The following CA10 variants were observed in gnomAD, a reference collection of about 807,000 sequenced individuals.
CA10 encodes the protein carbonic anhydrase 10 (inactive).
CA10 carries 14 observed loss-of-function variants against 44.2 expected under a neutral mutation model. The ratio of observed to expected loss-of-function variants is 0.32; its 90% CI spans 0.21 to 0.50. The LOEUF (loss-of-function observed/expected upper bound fraction) is 0.50, where lower values mean the gene tolerates loss of function less well. CA10 is among the 20% of genes least tolerant of loss of function. CA10 has a pLI of 0.99. For missense variants in CA10, 350 were observed against 409.7 expected (o/e 0.85, Z 1.26); for synonymous variants, 159 against 141.6 (o/e 1.12, Z -0.87).
chr17:51,649,092 C>G, intron 6 of CA10, 90 bp downstream of exon 6: 2 of 846,736 alleles, frequency 2.4e-6, no homozygotes, highest in Non-Finnish European at 4.0e-6. Flanking sequence ...TGAAAAGGGC[C>G]CATGGAGATC....
intron 4 of CA10, among the ~76,000 whole-genome samples, chr17:51,660,140 C>T (rs937629616): frequency 2.6e-5 from 4 of 152,146 alleles, no homozygotes; most frequent in Admixed American, 6.5e-5. Context: ...TCCAATCATT[C>T]AACATGTGTT....
At chr17:52,106,380 G>A (rs573371957) in intron 1 of CA10, among the ~76,000 whole-genome samples, 1 of 152,328 alleles carries the variant, frequency 6.6e-6, no homozygotes, top group Admixed American at 6.5e-5. Flanking sequence ...TTATTGCTGA[G>A]TCCTTGAAAA....
intron 4 of CA10, among the ~76,000 whole-genome samples, chr17:51,667,766 C>T (rs1326939748): frequency 6.6e-6 from 1 of 152,086 alleles, no homozygotes; most frequent in Non-Finnish European, 1.5e-5. Flanking sequence ...GGAGGGAGAG[C>T]CAAATTACTC....
Position 51,822,483 on chromosome 17 carries a change from C to T in CA10, c.280-74665G>A, listed in dbSNP as rs570321697. 5.3e-5 allele frequency among the ~76,000 whole-genome samples: 8 copies of T among 152,164 alleles called. No homozygotes were observed. The South Asian group carries it at 1.7e-3, about 32-fold the overall frequency. On this transcript the variant is annotated intron_variant, in intron 3 of 8. Coordinates refer to ENST00000451037, the MANE Select transcript of CA10 (RefSeq NM_020178.5). The stretch of plus-strand genomic sequence containing the variant: ...AAAAAACAAAAAAACCATCCTTGAC[C>T]ACACTCACTCATTATTACTACCTGC...
intron 1 of CA10, among the ~76,000 whole-genome samples, chr17:52,082,308 T>C (rs187035657): frequency 2.0e-5 from 3 of 152,300 alleles, no homozygotes; most frequent in African/African-American, 7.2e-5. Context: ...AAGAAGAGTG[T>C]AACTCAATAA....
At chr17:51,705,091 G>A (rs184785728) in intron 4 of CA10, among the ~76,000 whole-genome samples, 5 of 151,926 alleles carry the variant, frequency 3.3e-5, no homozygotes, top group African/African-American at 7.2e-5. Context: ...GAAGGTCTTC[G>A]CAGCTCTTCC....
intron 3 of CA10, among the ~76,000 whole-genome samples, chr17:51,862,298 C>T (rs1323156382): frequency 1.3e-5 from 2 of 152,124 alleles, no homozygotes; most frequent in African/African-American, 4.8e-5. Flanking sequence ...ACGGGAGAGT[C>T]CCTTTTGCAC....
intron 4 of CA10, among the ~76,000 whole-genome samples, chr17:51,688,511 A>G (rs1031098098): frequency 9.9e-5 from 15 of 152,228 alleles, no homozygotes; most frequent in Non-Finnish European, 1.8e-4. Context: ...ACATAGAAAT[A>G]GTATTCATCC....
At chr17:51,748,788 C>A (rs149848678) in intron 3 of CA10, among the ~76,000 whole-genome samples, 7 of 152,324 alleles carry the variant, frequency 4.6e-5, no homozygotes, top group Non-Finnish European at 8.8e-5. Context: ...CCTTCTGACA[C>A]CTTCATTAGA....
rs186825465 is a variant in CA10 at position 51,754,736 on chromosome 17, G to A, written c.280-6918C>T. Among the ~76,000 whole-genome samples, 7 of 151,908 alleles carry A rather than the reference G, an allele frequency of 4.6e-5. No individual in the cohort carries two copies. The East Asian group carries it at 1.4e-3, about 29-fold the overall frequency. On this transcript the variant is annotated intron_variant, in intron 3 of 8. Coordinates refer to ENST00000451037, the MANE Select transcript of CA10 (RefSeq NM_020178.5). ...TTCTCACAGAAATATCCCAATTAAT[G>A]TTTGACCAAATATTTGAGTGCCATG...
intron 2 of CA10, among the ~76,000 whole-genome samples, chr17:52,067,302 TCAAAGGGTG>T (rs1987563224): frequency 6.6e-6 from 1 of 152,210 alleles, no homozygotes; most frequent in African/African-American, 2.4e-5. Context: ...TGCTGTTGCT[TCAAAGGGTG>T]CAAGCCCCAG....
intron 4 of CA10, among the ~76,000 whole-genome samples, chr17:51,700,873 C>A (rs538860044): frequency 1.3e-5 from 2 of 152,176 alleles, no homozygotes; most frequent in South Asian, 4.2e-4. Flanking sequence ...ACAATGAGAA[C>A]ACATGGACAC....
At chr17:52,124,056 C>T (rs1290897750) in intron 1 of CA10, among the ~76,000 whole-genome samples, 1 of 152,188 alleles carries the variant, frequency 6.6e-6, no homozygotes, top group African/African-American at 2.4e-5. Context: ...TTGAACTCTC[C>T]AATATCTTGT....
intron 4 of CA10, among the ~76,000 whole-genome samples, chr17:51,738,327 C>T (rs920143218): frequency 1.3e-5 from 2 of 151,912 alleles, no homozygotes; most frequent in East Asian, 1.9e-4. Context: ...AGCTAGACAT[C>T]GAATGATTTA....
At chr17:52,060,721 A>C (rs1030421238) in intron 2 of CA10, among the ~76,000 whole-genome samples, 1 of 152,088 alleles carries the variant, frequency 6.6e-6, no homozygotes, top group Non-Finnish European at 1.5e-5. Flanking sequence ...CCTGTAGTTC[A>C]TTTTTTTCTA....
chr17:51,675,450 C>G (rs1205072047), intron 4 of CA10, among the ~76,000 whole-genome samples: 1 of 151,684 alleles, frequency 6.6e-6, no homozygotes, highest in Non-Finnish European at 1.5e-5. Context: ...GTCCCAGCTA[C>G]TCAGGGGAGA....
intron 2 of CA10, among the ~76,000 whole-genome samples, chr17:52,001,101 C>T (rs1985409344): frequency 6.6e-6 from 1 of 151,946 alleles, no homozygotes; most frequent in Admixed American, 6.6e-5. Flanking sequence ...AGACCTGGTG[C>T]CTTTATTGCT....
chr17:51,657,250 G>A (rs922098201), intron 4 of CA10, among the ~76,000 whole-genome samples: 5 of 152,182 alleles, frequency 3.3e-5, no homozygotes, highest in Non-Finnish European at 7.3e-5. Flanking sequence ...GTTCTCAGCT[G>A]TAAGAACACA....
intron 6 of CA10, among the ~76,000 whole-genome samples, chr17:51,640,359 C>T (rs947344792): frequency 6.6e-6 from 1 of 152,158 alleles, no homozygotes; most frequent in Non-Finnish European, 1.5e-5. Context: ...ATACATGCTG[C>T]CTACCATCTC....
Sources: gnomAD v4.1 joint callset for allele counts (sites outside exome capture counted in the v4.1 genomes callset) on GRCh38, gnomAD v4.1.1 for gene constraint, MANE v1.5 for transcripts, NCBI Gene and HGNC (gene_info 2026-07-23, HGNC 2026-07-21) for gene names.